Variants in CACNB2 observed in about 807,000 individuals in gnomAD.
CACNB2 encodes voltage-dependent L-type calcium channel subunit beta-2.
In CACNB2, 42 loss-of-function variants were observed where a neutral mutation model predicts 73.3. The ratio of observed to expected loss-of-function variants is 0.57; its 90% confidence interval spans 0.45 to 0.74. CACNB2 has a LOEUF of 0.74. CACNB2 is among the 30% of genes least tolerant of loss of function. The pLI is 0.00. For synonymous variants in CACNB2, 348 were observed against 310.3 expected (o/e 1.12, Z -1.28); for missense variants, 940 against 853.0 (o/e 1.10, Z -1.27).
chr10:18,344,824 G>A (rs1274147830), intron 2 of CACNB2, among the ~76,000 whole-genome samples: 1 of 152,212 alleles, frequency 6.6e-6, no homozygotes, highest in African/African-American at 2.4e-5. Flanking sequence ...GAATGTGGGT[G>A]TAGGAATACC....
intron 3 of CACNB2, among the ~76,000 whole-genome samples, chr10:18,440,838 G>A (rs1027183032): frequency 3.3e-5 from 5 of 152,222 alleles, no homozygotes; most frequent in African/African-American, 1.2e-4. Context: ...AGAGAGGCAG[G>A]TCAAAGGTCA....
chr10:18,247,971 C>G (rs1004208358), intron 2 of CACNB2, among the ~76,000 whole-genome samples: 10 of 152,176 alleles, frequency 6.6e-5, no homozygotes, highest in Admixed American at 3.3e-4. Flanking sequence ...GGCAGTGGAT[C>G]TCTCTGGGAC....
intron 2 of CACNB2, among the ~76,000 whole-genome samples, chr10:18,319,966 G>A (rs1380716747): frequency 6.6e-6 from 1 of 152,124 alleles, no homozygotes; most frequent in Admixed American, 6.5e-5. Context: ...CAGCACGTGA[G>A]TCCAGACAGA....
Position 18,402,403 on chromosome 10 carries a change from A to AAC in CACNB2, c.333+361_333+362insCA, listed in dbSNP as rs1554810735. Among the ~76,000 whole-genome samples, 15 of 151,804 alleles carry AAC rather than the reference A, an allele frequency of 9.9e-5. No homozygotes were observed. The East Asian group carries it at 2.5e-3, about 25-fold the overall frequency. ...ATATCTCTGTTAAGAAAAAAAAAAA[A>AAC]AACAGACTGACTTCAAGCTATTGTT... On this transcript the variant is annotated intron_variant, in intron 3 of 13. Transcript: ENST00000324631.
At chr10:18,291,288 T>C (rs997483415) in intron 2 of CACNB2, among the ~76,000 whole-genome samples, 6 of 152,236 alleles carry the variant, frequency 3.9e-5, no homozygotes, top group Non-Finnish European at 8.8e-5. Context: ...GCTCTCATTA[T>C]TTTTCTTATT....
chr10:18,324,837 C>A (rs1196073248), intron 2 of CACNB2, among the ~76,000 whole-genome samples: 2 of 152,256 alleles, frequency 1.3e-5, no homozygotes, highest in African/African-American at 2.4e-5. Context: ...GCCTGGACAT[C>A]AGAGCAACAG....
chr10:18,484,239 C>T (rs1255038937), intron 3 of CACNB2, among the ~76,000 whole-genome samples: 1 of 151,872 alleles, frequency 6.6e-6, no homozygotes, highest in Non-Finnish European at 1.5e-5. Flanking sequence ...ACTAAAAATA[C>T]AAAAATTAGC....
At chr10:18,511,553 A>T (rs932456049) in intron 6 of CACNB2, among the ~76,000 whole-genome samples, 3 of 152,216 alleles carry the variant, frequency 2.0e-5, no homozygotes, top group Non-Finnish European at 4.4e-5. Context: ...CTGTTATTTC[A>T]AACTGGTAAT....
intron 2 of CACNB2, among the ~76,000 whole-genome samples, chr10:18,364,744 C>T (rs553200009): frequency 9.1e-4 from 138 of 152,324 alleles, no homozygotes; most frequent in Non-Finnish European, 1.6e-3. Flanking sequence ...TATCAATTTA[C>T]TTTCCTCTCC....
In CACNB2 at chr10:18,447,167, G is replaced by A. The variant is rs530603057; in HGVS notation, c.333+45124G>A. 3.3e-5 allele frequency among the ~76,000 whole-genome samples: 5 copies of A among 152,260 alleles called. No homozygotes were observed. In the East Asian group the frequency reaches 5.8e-4, roughly 18 times the overall value. ...TGGTGTACTACATTTGGAGGATGAT[G>A]GTGTGATTTATAAAAACTGGGAAGT... On this transcript the variant is annotated intron_variant, in intron 3 of 13. Coordinates refer to ENST00000324631, the MANE Select transcript of CACNB2 (RefSeq NM_201596.3).
chr10:18,395,420 A>G (rs1173404741), intron 2 of CACNB2, among the ~76,000 whole-genome samples: 4 of 151,960 alleles, frequency 2.6e-5, no homozygotes, highest in South Asian at 2.1e-4. Context: ...CTTGTCTCTC[A>G]TAGCCGTTAT....
chr10:18,478,528 G>T (rs1339311553), intron 3 of CACNB2, among the ~76,000 whole-genome samples: 5 of 152,182 alleles, frequency 3.3e-5, no homozygotes. Context: ...AGGGCCAAGG[G>T]AAACTTCCCC....
intron 2 of CACNB2, among the ~76,000 whole-genome samples, chr10:18,180,514 G>A (rs1156302233): frequency 1.3e-5 from 2 of 151,022 alleles, no homozygotes; most frequent in Non-Finnish European, 2.9e-5. Flanking sequence ...CTGTTGCGTC[G>A]CAGAGGTCAA....
chr10:18,219,402 A>G (rs1293358181), intron 2 of CACNB2, among the ~76,000 whole-genome samples: 1 of 152,220 alleles, frequency 6.6e-6, no homozygotes, highest in South Asian at 2.1e-4. Context: ...GCTGGCAAAG[A>G]CATTTGACCT....
chr10:18,240,482 G>A (rs1276212474), intron 2 of CACNB2, among the ~76,000 whole-genome samples: 1 of 152,098 alleles, frequency 6.6e-6, no homozygotes, highest in Non-Finnish European at 1.5e-5. Context: ...CGTGTAACCA[G>A]GTCGCTCACT....
At chr10:18,317,606 TG>T (rs1425636907) in intron 2 of CACNB2, among the ~76,000 whole-genome samples, 2 of 152,194 alleles carry the variant, frequency 1.3e-5, no homozygotes, top group Non-Finnish European at 2.9e-5. Flanking sequence ...TGGGTGTATA[TG>T]TATCACATTT....
At chr10:18,411,149 T>C (rs16917288) in intron 3 of CACNB2, among the ~76,000 whole-genome samples, 9,852 of 152,276 alleles carry the variant, frequency 0.065, 839 homozygotes, top group African/African-American at 0.18. Flanking sequence ...CTTATAAGCA[T>C]GTACCTTTCA....
chr10:18,515,713 ATCT>A (rs1269326769), intron 7 of CACNB2, among the ~76,000 whole-genome samples: 4 of 152,212 alleles, frequency 2.6e-5, no homozygotes, highest in Admixed American at 2.0e-4. Flanking sequence ...CTGGGGTCCG[ATCT>A]TCTTGTTACA....
chr10:18,498,135 TG>T (rs2049948887), intron 3 of CACNB2, among the ~76,000 whole-genome samples: 1 of 152,204 alleles, frequency 6.6e-6, no homozygotes, highest in Non-Finnish European at 1.5e-5. Context: ...AAGAGAACAA[TG>T]GCCTTTTTCT....
Sources: allele counts gnomAD v4.1 joint callset (sites outside exome capture counted in the v4.1 genomes callset), GRCh38; gene constraint gnomAD v4.1.1; transcripts MANE v1.5; gene names NCBI Gene and HGNC (gene_info 2026-07-23, HGNC 2026-07-21).